The following PPP2R2A variants were observed in gnomAD, a reference collection of about 807,000 sequenced individuals.
The protein encoded by PPP2R2A is serine/threonine-protein phosphatase 2A 55 kDa regulatory subunit B alpha isoform.
Under a neutral mutation model 53.2 loss-of-function variants are expected in PPP2R2A, and 9 were observed. That is an observed-to-expected ratio of 0.17 (90% CI 0.10 to 0.30). The LOEUF (loss-of-function observed/expected upper bound fraction) is 0.30, where lower values mean the gene tolerates loss of function less well. Among genes scored for constraint, PPP2R2A ranks in the 10% least tolerant of loss-of-function variants. PPP2R2A has a pLI of 1.00. For synonymous variants in PPP2R2A, 169 were observed against 174.2 expected (o/e 0.97, Z 0.23); for missense variants, 235 against 534.6 (o/e 0.44, Z 5.53).
In PPP2R2A at chr8:26,299,134, C is replaced by T. The variant is rs1027057557; in HGVS notation, c.82+5394C>T. ...ACAAAAATTAAAAATATTAGCAGGGCATGGCAGTGTGCAACTGTAGTCCCA... is the reference window on the plus strand; with the variant it reads ...ACAAAAATTAAAAATATTAGCAGGGTATGGCAGTGTGCAACTGTAGTCCCA... On this transcript the variant is annotated intron_variant, in intron 2 of 9. Coordinates refer to ENST00000380737, the MANE Select transcript of PPP2R2A (RefSeq NM_002717.4). Among the ~76,000 whole-genome samples the T allele has an allele frequency of 2.0e-5, 3 of 152,106 alleles. No homozygotes were observed. The East Asian group carries it at 5.8e-4, about 30-fold the overall frequency.
chr8:26,311,160 T>C (rs116957747), intron 2 of PPP2R2A, among the ~76,000 whole-genome samples: 133 of 152,350 alleles, frequency 8.7e-4, no homozygotes, highest in Non-Finnish European at 1.5e-3. Flanking sequence ...ACTTGTCTTT[T>C]TATTTAGAGG....
chr8:26,361,828 G>A (rs1052669637), intron 6 of PPP2R2A, among the ~76,000 whole-genome samples: 6 of 151,842 alleles, frequency 4.0e-5, no homozygotes, highest in African/African-American at 1.5e-4. Flanking sequence ...GGGCATGGTG[G>A]CGCATGCCTG....
chr8:26,345,848 A>G (rs921447714), intron 3 of PPP2R2A, among the ~76,000 whole-genome samples: 5 of 152,106 alleles, frequency 3.3e-5, no homozygotes, highest in African/African-American at 9.7e-5. Context: ...CTCTTTTTCT[A>G]GTGGTGTATT....
chr8:26,357,970 A>G (rs554543464), intron 4 of PPP2R2A, among the ~76,000 whole-genome samples: 11 of 152,204 alleles, frequency 7.2e-5, no homozygotes, highest in African/African-American at 2.4e-4. Flanking sequence ...TTATGGGCCA[A>G]AAACTCCAGG....
Position 26,321,084 on chromosome 8 carries a change from T to TA in PPP2R2A, c.83-17799dup, listed in dbSNP as rs1802816396. Among the ~76,000 whole-genome samples, 1 of 152,068 alleles carries TA rather than the reference T, an allele frequency of 6.6e-6. No homozygotes were observed. Among genetic ancestry groups the TA allele is most frequent in the Non-Finnish European group, 1.5e-5 (1 of 68,006 alleles). ...CCCTGGAACGGTGCCATAACTAAAC[T>TA]AAAAAAATTTTAGCAGGAAACAGTA... On this transcript the variant is annotated intron_variant, in intron 2 of 9. Transcript: ENST00000380737. The surrounding 1 kb of genome is among the most constrained non-coding windows in gnomAD (Gnocchi z 4.1).
rs1290535541 is a variant in PPP2R2A, at chr8:26,362,114, AAAAG to A, written c.638-564_638-561del. ...TAGATTAGATTAGAAAAAGATTAGA[AAAAG>A]AAAGATTAAAGATTACGATTAGATT... On this transcript the variant is annotated intron_variant, in intron 6 of 9. Transcript: ENST00000380737. The surrounding 1 kb of genome is among the most constrained non-coding windows in gnomAD (Gnocchi z 4.4). Among the ~76,000 whole-genome samples the A allele has an allele frequency of 1.7e-4, 26 of 151,386 alleles. No homozygotes were observed. The highest frequency in any genetic ancestry group is 8.5e-4 in the Admixed American group (13 of 15,220).
At chr8:26,298,271 A>T (rs940146619) in intron 2 of PPP2R2A, among the ~76,000 whole-genome samples, 1 of 152,232 alleles carries the variant, frequency 6.6e-6, no homozygotes, top group Non-Finnish European at 1.5e-5. Flanking sequence ...TTAGGATGAA[A>T]AATGGCAGTC....
chr8:26,329,351 T>A (rs1803252692), intron 2 of PPP2R2A, among the ~76,000 whole-genome samples: 1 of 152,186 alleles, frequency 6.6e-6, no homozygotes, highest in Non-Finnish European at 1.5e-5. Context: ...CCCTCCCAGC[T>A]CCCATCACTG....
rs141601609 is a variant in PPP2R2A at position 26,363,370 on chromosome 8, G to A, written c.803-351G>A. The A allele has an allele frequency of 4.3e-5, 8 of 186,348 alleles. No homozygotes were observed. The East Asian group carries it at 6.9e-4, about 16-fold the overall frequency. 11.5% of individuals were successfully genotyped at this position (186,348 alleles called of 1,614,324 possible). On this transcript the variant is annotated intron_variant, in intron 7 of 9. Transcript: ENST00000380737. ...ATCCTGGTATGAATTTGGGATGGGC[G>A]AGGATGGTGTGTTTCTCATGGTGAT...
chr8:26,333,273 A>G (rs1001872386), intron 2 of PPP2R2A, among the ~76,000 whole-genome samples: 2 of 152,216 alleles, frequency 1.3e-5, no homozygotes, highest in African/African-American at 4.8e-5. Flanking sequence ...AATTATTTAC[A>G]AAAACAGGTT....
chr8:26,341,692 T>G lies in PPP2R2A; in HGVS notation c.180+2705T>G, dbSNP rs1803950060. ...ACTCTGATGAGGGTGCTAGCCTTGT[T>G]TGCAGAATACACTGGCATTTGATCT... On this transcript the variant is annotated intron_variant, in intron 3 of 9. Coordinates refer to ENST00000380737, the MANE Select transcript of PPP2R2A (RefSeq NM_002717.4). 1.3e-5 allele frequency among the ~76,000 whole-genome samples: 2 copies of G among 152,240 alleles called. 1 individual carries two copies. The highest frequency in any genetic ancestry group is 4.1e-4 in the South Asian group (2 of 4,838).
At position 26,363,700 on chromosome 8, in the gene PPP2R2A, GTTGTT is replaced by G. The variant is rs756232564; in HGVS notation, c.803-8_803-4del. 16 of 1,540,100 alleles carry G rather than the reference GTTGTT, an allele frequency of 1.0e-5. No homozygotes were observed. The highest frequency in any genetic ancestry group is 1.9e-5 in the Admixed American group (1 of 53,596). On this transcript the variant is annotated splice_polypyrimidine_tract_variant and intron_variant, in intron 7 of 9. Transcript: ENST00000380737. ...ATATTGTACACCTTGCCCTTTTTGT[GTTGTT>G]TTGTTTTGTTTTTAGTGTTTGAAGA...
intron 1 of PPP2R2A, 109 bp from the exon 2 acceptor site, chr8:26,293,557 G>C: frequency 9.7e-7 from 1 of 1,032,314 alleles, no homozygotes; most frequent in Non-Finnish European, 1.4e-6. Context: ...TTGTATGTGT[G>C]GGCAGAACTA....
chr8:26,305,817 A>T (rs1801990528), intron 2 of PPP2R2A, among the ~76,000 whole-genome samples: 1 of 152,152 alleles, frequency 6.6e-6, no homozygotes, highest in Non-Finnish European at 1.5e-5. Flanking sequence ...ATGCTGCTTG[A>T]TATTGAGATG....
intron 2 of PPP2R2A, among the ~76,000 whole-genome samples, chr8:26,334,314 A>G (rs947290739): frequency 1.3e-5 from 2 of 152,204 alleles, no homozygotes; most frequent in African/African-American, 4.8e-5. Flanking sequence ...CAACTGATAT[A>G]CTATACTAAA....
chr8:26,326,018 G>A (rs1300366558), intron 2 of PPP2R2A, among the ~76,000 whole-genome samples: 3 of 152,012 alleles, frequency 2.0e-5, no homozygotes, highest in Admixed American at 1.3e-4. Flanking sequence ...TGTATTTTTT[G>A]TAGAGACGGG....
In PPP2R2A at chr8:26,291,563, C is replaced by T; in HGVS notation, c.-257C>T. On this transcript the variant is annotated 5_prime_UTR_variant, in exon 1 of 10. Transcript: ENST00000380737. The stretch of plus-strand genomic sequence containing the variant: ...TCGCCTGCCCCTGCCGCTGCCGCCG[C>T]CGCCGTCGCTGTCGTAGTCGCCGCC... 1 of 535,766 alleles carries T rather than the reference C, an allele frequency of 1.9e-6. No homozygotes were observed. Among genetic ancestry groups the T allele is most frequent in the Non-Finnish European group, 3.3e-6 (1 of 303,136 alleles). The allele number at this position is 535,766 out of a possible 1,614,324, so 33.2% of individuals were successfully genotyped here. A position where few individuals can be genotyped will look rare whatever the true frequency, so the allele number is the denominator to read the frequency against.
In PPP2R2A at chr8:26,295,588, T is replaced by A. The variant is rs576540020; in HGVS notation, c.82+1848T>A. Among the ~76,000 whole-genome samples, 5 of 152,348 alleles carry A rather than the reference T, an allele frequency of 3.3e-5. No homozygotes were observed. The East Asian group carries it at 9.6e-4, about 29-fold the overall frequency. Reference sequence around the variant, plus strand: ...ATAGTTCCCCTTTGCTGATACTTAGTAGCTGCATTTTTCTACTGATTGGTT... The same window carrying A: ...ATAGTTCCCCTTTGCTGATACTTAGAAGCTGCATTTTTCTACTGATTGGTT... On this transcript the variant is annotated intron_variant, in intron 2 of 9. Transcript: ENST00000380737.
chr8:26,354,083 T>C lies in PPP2R2A; in HGVS notation c.181-385T>C, dbSNP rs529154192. Among the ~76,000 whole-genome samples, 14 of 152,324 alleles carry C rather than the reference T, an allele frequency of 9.2e-5. No homozygotes were observed. Among genetic ancestry groups the C allele is most frequent in the Non-Finnish European group, 1.5e-4 (10 of 68,040 alleles). ...GCATAGGAAGAAGGTGTGCCTCACC[T>C]AGCTCTTTCTGGGCAAGACTTTATC... On this transcript the variant is annotated intron_variant, in intron 3 of 9. Transcript: ENST00000380737. The surrounding 1 kb of genome is among the most constrained non-coding windows in gnomAD (Gnocchi z 4.6).
Sources: gnomAD v4.1 joint callset for allele counts (sites outside exome capture counted in the v4.1 genomes callset) on GRCh38, gnomAD v4.1.1 for gene constraint, Gnocchi (gnomAD v3.1) non-coding constraint, MANE v1.5 for transcripts, NCBI Gene and HGNC (gene_info 2026-07-23, HGNC 2026-07-21) for gene names.